The following LAPTM4B variants were observed in gnomAD, a reference collection of about 807,000 sequenced individuals.
LAPTM4B encodes lysosomal-associated transmembrane protein 4B.
A neutral mutation model predicts 28.5 loss-of-function variants in LAPTM4B; 26 were observed. The observed-to-expected ratio is 0.91, with a 90% CI of 0.67 to 1.27. The LOEUF (loss-of-function observed/expected upper bound fraction) is 1.27. Among genes scored for constraint, LAPTM4B ranks in the 50% most tolerant of loss-of-function variants. The probability of loss-of-function intolerance (pLI) is 0.00; values close to 1 mark genes in which losing one functional copy is unlikely to be tolerated. For synonymous variants in LAPTM4B, 109 were observed against 106.4 expected (o/e 1.02, Z -0.15); for missense variants, 288 against 285.8 (o/e 1.01, Z -0.06).
In LAPTM4B at chr8:97,789,038, C is replaced by CTTTA. The variant is rs71570264; in HGVS notation, c.99+12978_99+12981dup. On this transcript the variant is annotated intron_variant, in intron 1 of 6. Transcript: ENST00000521545. ...AAAACATCTTCATTTGGTGCTCACT[C>CTTTA]TTTATTTATTTATTTATTTATTTAT... Among the ~76,000 whole-genome samples the CTTTA allele has an allele frequency of 6.8e-3, 958 of 140,780 alleles. 5 individuals are homozygous for CTTTA. Among genetic ancestry groups the CTTTA allele is most frequent in the African/African-American group, 0.013 (501 of 38,102 alleles). 92.4% of individuals were successfully genotyped at this position (140,780 alleles called of 152,430 possible). A position where few individuals can be genotyped will look rare whatever the true frequency, so the allele number is the denominator to read the frequency against.
chr8:97,781,435 G>A (rs568183441), intron 1 of LAPTM4B, among the ~76,000 whole-genome samples: 6 of 151,322 alleles, frequency 4.0e-5, no homozygotes, highest in Non-Finnish European at 5.9e-5. Context: ...CCACCACTGC[G>A]CTTGGCTAAT....
At chr8:97,840,382 C>A (rs1302436373) in intron 6 of LAPTM4B, among the ~76,000 whole-genome samples, 2 of 152,088 alleles carry the variant, frequency 1.3e-5, no homozygotes, top group Admixed American at 6.6e-5. Flanking sequence ...ATAATGGCTC[C>A]CTCCTATTAT....
At chr8:97,791,987 A>G (rs1269000043) in intron 1 of LAPTM4B, among the ~76,000 whole-genome samples, 1 of 152,216 alleles carries the variant, frequency 6.6e-6, no homozygotes. Flanking sequence ...CTGGTGAATC[A>G]GAAAGACCTG....
Position 97,834,783 on chromosome 8 carries a change from G to A in LAPTM4B, c.603+9630G>A, listed in dbSNP as rs766946676. Reference sequence around the variant, plus strand: ...TGACAAGATGCTCTAGGCTCATCTTGTACATTTCTTGCCCCAAATGTGGAA... The same window carrying A: ...TGACAAGATGCTCTAGGCTCATCTTATACATTTCTTGCCCCAAATGTGGAA... On this transcript the variant is annotated intron_variant, in intron 6 of 6. Transcript: ENST00000521545. Among the ~76,000 whole-genome samples, 105 of 152,118 alleles carry A rather than the reference G, an allele frequency of 6.9e-4. 1 individual carries two copies. The highest frequency in any genetic ancestry group is 3.2e-3 in the Middle Eastern group (1 of 316).
intron 6 of LAPTM4B, among the ~76,000 whole-genome samples, chr8:97,849,505 C>T (rs542059866): frequency 3.3e-5 from 5 of 152,300 alleles, no homozygotes; most frequent in Admixed American, 6.5e-5. Context: ...ACGTGGGCAA[C>T]GCTGAACATT....
chr8:97,823,257 T>C (rs1419277860), intron 5 of LAPTM4B, among the ~76,000 whole-genome samples: 3 of 152,122 alleles, frequency 2.0e-5, no homozygotes, highest in Non-Finnish European at 4.4e-5. Context: ...TTGGAGTGTG[T>C]AGTAGGTGAA....
intron 1 of LAPTM4B, among the ~76,000 whole-genome samples, chr8:97,781,498 G>A (rs1816319742): frequency 6.7e-6 from 1 of 149,012 alleles, no homozygotes; most frequent in South Asian, 2.1e-4. Context: ...GGCTGGTCTT[G>A]AACTCCTGAC....
At chr8:97,805,682 A>G (rs563907803) in intron 2 of LAPTM4B, among the ~76,000 whole-genome samples, 1 of 152,092 alleles carries the variant, frequency 6.6e-6, no homozygotes, top group African/African-American at 2.4e-5. Flanking sequence ...CCACTTAAAA[A>G]TGATTGCATT....
intron 6 of LAPTM4B, among the ~76,000 whole-genome samples, chr8:97,829,552 T>A (rs927045560): frequency 1.3e-5 from 2 of 152,086 alleles, no homozygotes; most frequent in Non-Finnish European, 2.9e-5. Flanking sequence ...ATGGGGATAG[T>A]TGTCTGTGTA....
intron 1 of LAPTM4B, among the ~76,000 whole-genome samples, chr8:97,790,555 C>T (rs1242787025): frequency 6.6e-6 from 1 of 151,944 alleles, no homozygotes; most frequent in African/African-American, 2.4e-5. Flanking sequence ...TGTGATCTGC[C>T]CGCCTCACTC....
Position 97,805,324 on chromosome 8 carries a change from C to CTTTTTTTTTTTTT in LAPTM4B, c.100-23_100-11dup, listed in dbSNP as rs386413439. ...ATTGCATCCTGGGGTTACTTAAATTCTTTTTTTTTTTTTTTTTTCTTGTTG... is the reference window on the plus strand; with the variant it reads ...ATTGCATCCTGGGGTTACTTAAATTCTTTTTTTTTTTTTTTTTTTTTTTTTTTTTTTCTTGTTG... On this transcript the variant is annotated intron_variant, in intron 1 of 6. Transcript: ENST00000521545. The CTTTTTTTTTTTTT allele has an allele frequency of 1.3e-5, 11 of 843,612 alleles. 1 individual carries two copies. The highest frequency in any genetic ancestry group is 1.7e-5 in the South Asian group (1 of 58,676). The allele number at this position is 843,612 out of a possible 1,614,324, so 52.3% of individuals were successfully genotyped here. A position where few individuals can be genotyped will look rare whatever the true frequency, so the allele number is the denominator to read the frequency against.
intron 6 of LAPTM4B, among the ~76,000 whole-genome samples, chr8:97,838,551 C>T (rs745693473): frequency 6.6e-5 from 10 of 152,178 alleles, no homozygotes; most frequent in African/African-American, 9.7e-5. Context: ...GGTAACTTCC[C>T]GAGGTCACCC....
At chr8:97,783,231 A>G (rs1816350712) in intron 1 of LAPTM4B, among the ~76,000 whole-genome samples, 1 of 151,810 alleles carries the variant, frequency 6.6e-6, no homozygotes, top group Non-Finnish European at 1.5e-5. Flanking sequence ...TAGCTGCTTC[A>G]TTGGCTTTAT....
intron 2 of LAPTM4B, among the ~76,000 whole-genome samples, chr8:97,815,112 ATTAT>A (rs960740874): frequency 2.6e-5 from 4 of 152,206 alleles, no homozygotes; most frequent in African/African-American, 9.7e-5. Context: ...TACCTAATTC[ATTAT>A]TTATATAATC....
At chr8:97,828,059 C>G (rs1017562304) in intron 6 of LAPTM4B, among the ~76,000 whole-genome samples, 3 of 152,164 alleles carry the variant, frequency 2.0e-5, no homozygotes, top group African/African-American at 7.2e-5. Flanking sequence ...TGGATGTATA[C>G]GTGTGGGTCA....
chr8:97,824,703 G>T (rs1006018880), intron 5 of LAPTM4B, among the ~76,000 whole-genome samples: 4 of 152,122 alleles, frequency 2.6e-5, no homozygotes, highest in Non-Finnish European at 5.9e-5. Context: ...TAATACATTC[G>T]ATTGTTCTGT....
intron 5 of LAPTM4B, among the ~76,000 whole-genome samples, chr8:97,824,551 G>A (rs1817064471): frequency 6.6e-6 from 1 of 151,904 alleles, no homozygotes; most frequent in African/African-American, 2.4e-5. Flanking sequence ...AAGGGGAAAT[G>A]TTTTAGTGAA....
At chr8:97,791,917 C>T (rs1816503326) in intron 1 of LAPTM4B, among the ~76,000 whole-genome samples, 1 of 152,038 alleles carries the variant, frequency 6.6e-6, no homozygotes, top group Admixed American at 6.6e-5. Flanking sequence ...ATGGTGGTTT[C>T]TTAGTTTAGT....
chr8:97,776,145 C>T lies in LAPTM4B; in HGVS notation c.99+37C>T, dbSNP rs768418021. ...GCGCCCGGCCCGGGACCCTGCGTTG[C>T]TTCCGCGCCCCTAGCTGGGCTTCTG... On this transcript the variant is annotated intron_variant, in intron 1 of 6. Transcript: ENST00000521545. The T allele has an allele frequency of 9.2e-5, 138 of 1,497,084 alleles. 1 individual carries two copies. The highest frequency in any genetic ancestry group is 1.2e-4 in the Non-Finnish European group (130 of 1,118,710). The allele number at this position is 1,497,084 out of a possible 1,614,324, so 92.7% of individuals were successfully genotyped here. A position where few individuals can be genotyped will look rare whatever the true frequency, so the allele number is the denominator to read the frequency against.
Sources: gnomAD v4.1 joint callset for allele counts (sites outside exome capture counted in the v4.1 genomes callset) on GRCh38, gnomAD v4.1.1 for gene constraint, MANE v1.5 for transcripts, NCBI Gene and HGNC (gene_info 2026-07-23, HGNC 2026-07-21) for gene names.